The following FIG4 variants were observed in gnomAD, a reference collection of about 807,000 sequenced individuals.
The protein encoded by FIG4 is polyphosphoinositide phosphatase.
Under a neutral mutation model 118.6 loss-of-function variants are expected in FIG4, and 112 were observed. That is an observed-to-expected ratio of 0.94 (90% confidence interval 0.81 to 1.11). FIG4 has a LOEUF of 1.11. FIG4 is among the 50% of genes least tolerant of loss of function. The pLI, the probability that FIG4 is intolerant of heterozygous loss-of-function variation, is 0.00. For missense variants in FIG4, 969 were observed against 1,111.7 expected, an observed-to-expected ratio of 0.87 and a Z score of 1.83; for synonymous variants, 369 against 381.2, an observed-to-expected ratio of 0.97 and a Z score of 0.37.
chr6:109,736,436 T>G (rs1376343271), intron 6 of FIG4, among the ~76,000 whole-genome samples: 3 of 152,106 alleles, frequency 2.0e-5, no homozygotes, highest in African/African-American at 7.2e-5. Flanking sequence ...TCCCAGATCA[T>G]TAGATCACAT....
intron 7 of FIG4, 29 bp from the exon 8 acceptor site, chr6:109,741,415 T>G: frequency 1.4e-6 from 2 of 1,403,032 alleles, no homozygotes; most frequent in South Asian, 2.3e-5. Context: ...CAGTCATGAA[T>G]GCTAAACAAC....
At chr6:109,770,054 C>A (rs528262058) in intron 15 of FIG4, among the ~76,000 whole-genome samples, 12 of 152,234 alleles carry the variant, frequency 7.9e-5, no homozygotes, top group African/African-American at 2.6e-4. Context: ...AAAAACTGTT[C>A]TTGAGGCTTC....
At chr6:109,734,070 G>T (rs567199577) in intron 5 of FIG4, among the ~76,000 whole-genome samples, 9 of 151,858 alleles carry the variant, frequency 5.9e-5, no homozygotes, top group Non-Finnish European at 1.2e-4. Context: ...ATTAGATGCT[G>T]TTAAAATGAA....
intron 1 of FIG4, among the ~76,000 whole-genome samples, chr6:109,709,618 TG>T (rs1320556003): frequency 6.6e-6 from 1 of 152,250 alleles, no homozygotes; most frequent in African/African-American, 2.4e-5. Flanking sequence ...TCCATTTATT[TG>T]TGTCATCTCT....
intron 3 of FIG4, among the ~76,000 whole-genome samples, chr6:109,720,865 C>T (rs1775585726): frequency 6.6e-6 from 1 of 152,102 alleles, no homozygotes; most frequent in African/African-American, 2.4e-5. Context: ...CTGATCTGTT[C>T]CTTTGTTATT....
intron 10 of FIG4, among the ~76,000 whole-genome samples, chr6:109,754,463 T>G (rs191198648): frequency 0.024 from 3,634 of 152,264 alleles, 82 homozygotes; most frequent in East Asian, 0.091. Flanking sequence ...ATAAAATGAG[T>G]TAGGGAGGAT....
intron 17 of FIG4, chr6:109,785,568 T>A (rs574061298): frequency 2.5e-5 from 11 of 441,014 alleles, no homozygotes; most frequent in South Asian, 1.5e-4. Context: ...ATTAGAATGA[T>A]GTTTCCAAAT....
At chr6:109,756,111 A>C (rs1442769632) in intron 10 of FIG4, among the ~76,000 whole-genome samples, 2 of 151,950 alleles carry the variant, frequency 1.3e-5, no homozygotes, top group Non-Finnish European at 2.9e-5. Flanking sequence ...TTCCTTCAGG[A>C]GCTCTTTTAG....
chr6:109,709,110 C>T (rs1775180138), intron 1 of FIG4, among the ~76,000 whole-genome samples: 1 of 152,178 alleles, frequency 6.6e-6, no homozygotes, highest in South Asian at 2.1e-4. Flanking sequence ...ACATTTAAGA[C>T]ATTAATCCAT....
intron 1 of FIG4, among the ~76,000 whole-genome samples, chr6:109,702,909 A>G (rs755064587): frequency 6.6e-6 from 1 of 152,108 alleles, no homozygotes; most frequent in Non-Finnish European, 1.5e-5. Context: ...TTTAGTCCGG[A>G]CTGGATGCTC....
At chr6:109,742,902 T>C (rs1310158279) in intron 8 of FIG4, among the ~76,000 whole-genome samples, 15 of 152,214 alleles carry the variant, frequency 9.9e-5, no homozygotes, top group Admixed American at 9.8e-4. Context: ...TATTCTCTGC[T>C]ACTTTTAATT....
intron 10 of FIG4, among the ~76,000 whole-genome samples, chr6:109,758,715 A>C (rs1777001567): frequency 6.6e-6 from 1 of 152,224 alleles, no homozygotes; most frequent in Admixed American, 6.5e-5. Context: ...TCCATCTCAC[A>C]AAGGGCTACT....
At chr6:109,760,405 G>A (rs1233890305) in intron 11 of FIG4, 22 bp downstream of exon 11, 3 of 1,601,788 alleles carry the variant, frequency 1.9e-6, no homozygotes, top group Non-Finnish European at 2.6e-6. Context: ...TCATCTGTCT[G>A]GCTATGATCG....
At chr6:109,764,909 T>TTTTGTG in intron 13 of FIG4, 104 bp from the exon 14 acceptor site, 1 of 1,069,498 alleles carries the variant, frequency 9.4e-7, no homozygotes, top group Non-Finnish European at 1.4e-6. Context: ...TTGTTTTTGT[T>TTTTGTG]TTTGTTTTTG....
At chr6:109,704,177 G>A (rs932428837) in intron 1 of FIG4, among the ~76,000 whole-genome samples, 2 of 152,158 alleles carry the variant, frequency 1.3e-5, no homozygotes. Flanking sequence ...TCTGCTTAAA[G>A]GTAATTGGAT....
chr6:109,734,463 A>G (rs892682148), intron 5 of FIG4, among the ~76,000 whole-genome samples: 6 of 149,982 alleles, frequency 4.0e-5, no homozygotes, highest in African/African-American at 1.2e-4. Context: ...TAAATACTGT[A>G]TATAAATATA....
intron 1 of FIG4, among the ~76,000 whole-genome samples, chr6:109,713,120 G>A (rs528431045): frequency 1.3e-5 from 2 of 152,206 alleles, no homozygotes; most frequent in Non-Finnish European, 2.9e-5. Flanking sequence ...GGGTGCCAAC[G>A]TGTAGTGACT....
At chr6:109,773,425 C>T (rs1032326518) in intron 15 of FIG4, among the ~76,000 whole-genome samples, 1 of 152,180 alleles carries the variant, frequency 6.6e-6, no homozygotes, top group African/African-American at 2.4e-5. Flanking sequence ...ACTCTTGACT[C>T]TGTCTCAAGT....
intron 6 of FIG4, among the ~76,000 whole-genome samples, chr6:109,736,063 T>C (rs543314753): frequency 7.9e-5 from 12 of 152,110 alleles, no homozygotes; most frequent in Non-Finnish European, 1.8e-4. Context: ...ATTGCTAGTA[T>C]GAATGTTGTA....
Sources: allele counts gnomAD v4.1 joint callset (sites outside exome capture counted in the v4.1 genomes callset), GRCh38; gene constraint gnomAD v4.1.1; transcripts MANE v1.5; gene names NCBI Gene and HGNC (gene_info 2026-07-23, HGNC 2026-07-21).